Variants in C1QTNF7 observed in about 807,000 individuals in gnomAD.
The protein encoded by C1QTNF7 is C1q and TNF related 7.
Under a neutral mutation model 19.6 loss-of-function variants are expected in C1QTNF7, and 15 were observed. That is an observed-to-expected ratio of 0.76 (90% CI 0.51 to 1.18). The LOEUF (loss-of-function observed/expected upper bound fraction) is 1.18, where lower values mean the gene tolerates loss of function less well. Ranked by LOEUF, C1QTNF7 falls within the 50% of genes most tolerant of loss-of-function variation. C1QTNF7 has a pLI of 0.00. For synonymous variants in C1QTNF7, 142 were observed against 137.5 expected (o/e 1.03, Z -0.23); for missense variants, 324 against 359.7 (o/e 0.90, Z 0.80).
intron 1 of C1QTNF7, among the ~76,000 whole-genome samples, chr4:15,403,574 T>A (rs1719072279): frequency 6.6e-6 from 1 of 152,120 alleles, no homozygotes; most frequent in Non-Finnish European, 1.5e-5. Context: ...CTGTCTCTTT[T>A]CCCCTTCTTT....
intron 1 of C1QTNF7, among the ~76,000 whole-genome samples, chr4:15,376,144 GT>G (rs1338275643): frequency 6.6e-6 from 1 of 152,238 alleles, no homozygotes; most frequent in East Asian, 1.9e-4. Context: ...GTGACACAAT[GT>G]TCCCCTTCTT....
chr4:15,431,560 T>C (rs1331142556), intron 1 of C1QTNF7, among the ~76,000 whole-genome samples: 5 of 152,260 alleles, frequency 3.3e-5, no homozygotes, highest in Non-Finnish European at 7.3e-5. Flanking sequence ...ACTCAAGTTT[T>C]GTATTTGTAT....
chr4:15,367,019 C>T (rs961233777), intron 1 of C1QTNF7, among the ~76,000 whole-genome samples: 2 of 152,126 alleles, frequency 1.3e-5, no homozygotes, highest in African/African-American at 4.8e-5. Context: ...ATAGGGGGTG[C>T]ATCTATTTAT....
intron 1 of C1QTNF7, among the ~76,000 whole-genome samples, chr4:15,402,868 A>G (rs1323553947): frequency 1.3e-5 from 2 of 152,188 alleles, no homozygotes; most frequent in Non-Finnish European, 2.9e-5. Flanking sequence ...TTGTAAAATT[A>G]TATCCAGCAA....
At chr4:15,347,144 G>A (rs147689544) in intron 1 of C1QTNF7, among the ~76,000 whole-genome samples, 83 of 152,264 alleles carry the variant, frequency 5.5e-4, no homozygotes, top group African/African-American at 1.9e-3. Flanking sequence ...ATAAAAATGT[G>A]TTCATTGTCC....
intron 1 of C1QTNF7, among the ~76,000 whole-genome samples, chr4:15,346,034 G>A (rs1359566195): frequency 6.6e-6 from 1 of 152,124 alleles, no homozygotes; most frequent in East Asian, 1.9e-4. Context: ...AATGCAATCT[G>A]GAGTTCTACT....
At chr4:15,374,714 C>T (rs1460626419) in intron 1 of C1QTNF7, 1 of 985,396 alleles carries the variant, frequency 1.0e-6, no homozygotes, top group African/African-American at 1.7e-5. Context: ...AAAAGCTCCA[C>T]ATCTGCGCAC....
intron 1 of C1QTNF7, among the ~76,000 whole-genome samples, chr4:15,346,419 T>C (rs1012595610): frequency 2.0e-5 from 3 of 152,220 alleles, no homozygotes; most frequent in Non-Finnish European, 4.4e-5. Context: ...ACCAATGATA[T>C]AAAGTCATGG....
intron 1 of C1QTNF7, among the ~76,000 whole-genome samples, chr4:15,341,318 G>T (rs1716528788): frequency 6.6e-6 from 1 of 152,148 alleles, no homozygotes; most frequent in Admixed American, 6.5e-5. Context: ...GGGCCGCCTG[G>T]GACCCTGCTC....
chr4:15,441,785 G>T (rs879831226), intron 2 of C1QTNF7, among the ~76,000 whole-genome samples: 3 of 152,176 alleles, frequency 2.0e-5, no homozygotes, highest in Admixed American at 2.0e-4. Flanking sequence ...ACTTTGGGAG[G>T]CTGAGGTGGG....
chr4:15,381,697 C>A (rs1010839737), intron 1 of C1QTNF7: 1 of 152,148 alleles, frequency 6.6e-6, no homozygotes, highest in Non-Finnish European at 1.5e-5. Context: ...TATAAAGAGG[C>A]TAGCATGAAC....
chr4:15,423,839 A>G (rs1001650383), upstream of C1QTNF7, among the ~76,000 whole-genome samples: 1 of 152,106 alleles, frequency 6.6e-6, no homozygotes, highest in Non-Finnish European at 1.5e-5. Flanking sequence ...CTTTTAGGTC[A>G]GATGTCATTC....
upstream of C1QTNF7, among the ~76,000 whole-genome samples, chr4:15,424,524 C>T (rs1349247158): frequency 6.6e-6 from 1 of 152,190 alleles, no homozygotes; most frequent in Non-Finnish European, 1.5e-5. Context: ...CTCAGTGATA[C>T]ACCCAGTGAC....
intron 1 of C1QTNF7, among the ~76,000 whole-genome samples, chr4:15,376,379 G>A (rs538187770): frequency 2.6e-5 from 4 of 152,334 alleles, no homozygotes; most frequent in South Asian, 4.1e-4. Context: ...TTGTGCACTC[G>A]TGGGAGCAGC....
chr4:15,397,980 T>C (rs1217674253), intron 1 of C1QTNF7, among the ~76,000 whole-genome samples: 2 of 152,222 alleles, frequency 1.3e-5, no homozygotes, highest in Admixed American at 1.3e-4. Context: ...CCCCTCCTCC[T>C]GTAGAGTCCT....
At chr4:15,426,989 T>C (rs16891945), upstream of C1QTNF7, among the ~76,000 whole-genome samples, 40,679 of 152,164 alleles carry the variant, frequency 0.27, 6,284 homozygotes, top group East Asian at 0.37. Context: ...CAATAAGTTA[T>C]GACTAGCTTC....
rs146771136 is a variant in C1QTNF7 at position 15,359,093 on chromosome 4, G to A, written c.13+18886G>A. Among the ~76,000 whole-genome samples, 322 of 152,196 alleles carry A rather than the reference G, an allele frequency of 2.1e-3. 2 individuals are homozygous for A. Among genetic ancestry groups the A allele is most frequent in the African/African-American group, 7.3e-3 (303 of 41,526 alleles). On this transcript the variant is annotated intron_variant, in intron 1 of 2. Transcript: ENST00000295297. ...CCCTTGTTCTTGCCCAGCAAACACT[G>A]CCACCCTCTATTCTCAATGGGCGGC...
chr4:15,387,349 G>T (rs888841179), intron 1 of C1QTNF7, among the ~76,000 whole-genome samples: 3 of 152,044 alleles, frequency 2.0e-5, no homozygotes, highest in Admixed American at 1.3e-4. Flanking sequence ...TCAGGAGGGA[G>T]GTCTGGGCTA....
intron 1 of C1QTNF7, among the ~76,000 whole-genome samples, chr4:15,413,528 T>C (rs1719480982): frequency 6.6e-6 from 1 of 152,224 alleles, no homozygotes; most frequent in Admixed American, 6.5e-5. Context: ...ACAATCTCTT[T>C]GGAAAACCCT....
Sources: allele counts gnomAD v4.1 joint callset (sites outside exome capture counted in the v4.1 genomes callset), GRCh38; gene constraint gnomAD v4.1.1; transcripts MANE v1.5; gene names NCBI Gene and HGNC (gene_info 2026-07-23, HGNC 2026-07-21).